The following DPH6 variants were observed in gnomAD, a reference collection of about 807,000 sequenced individuals.
DPH6 encodes the protein diphthamine biosynthesis 6.
In DPH6, 33 loss-of-function variants were observed where a neutral mutation model predicts 38.2. The ratio of observed to expected loss-of-function variants is 0.86; its 90% CI spans 0.65 to 1.15. The LOEUF (loss-of-function observed/expected upper bound fraction) is 1.15, where lower values mean the gene tolerates loss of function less well. Ranked by LOEUF, DPH6 falls within the 50% of genes most tolerant of loss-of-function variation. DPH6 has a pLI of 0.00. For synonymous variants in DPH6, 108 were observed against 103.0 expected (o/e 1.05, Z -0.30); for missense variants, 325 against 320.0 (o/e 1.02, Z -0.12).
chr15:35,454,663 A>G (rs1348380442), intron 4 of DPH6, 84 bp downstream of exon 4: 2 of 1,183,644 alleles, frequency 1.7e-6, no homozygotes, highest in Admixed American at 2.1e-5. Context: ...CCTATTTATA[A>G]TTTGAATATG....
chr15:35,162,426 T>C, the DPH6 span, among the ~76,000 whole-genome samples: 1 of 151,888 alleles, frequency 6.6e-6, no homozygotes, highest in African/African-American at 2.4e-5. Context: ...CTAGCTGCAT[T>C]TGCTGCTTCT....
chr15:35,207,169 C>T, the DPH6 span, among the ~76,000 whole-genome samples: 11 of 151,106 alleles, frequency 7.3e-5, no homozygotes, highest in African/African-American at 2.4e-4. Flanking sequence ...ACCTCAGCCT[C>T]CTAAGTAGAA....
intron 3 of DPH6, among the ~76,000 whole-genome samples, chr15:35,473,472 A>C (rs2054222032): frequency 6.6e-6 from 1 of 152,158 alleles, no homozygotes; most frequent in African/African-American, 2.4e-5. Flanking sequence ...TCTCCTCTTC[A>C]AAAAACTGCC....
At chr15:35,470,900 G>C (rs1172049810) in intron 3 of DPH6, among the ~76,000 whole-genome samples, 1 of 151,848 alleles carries the variant, frequency 6.6e-6, no homozygotes, top group Non-Finnish European at 1.5e-5. Context: ...AAAATTAAAT[G>C]TATCTTAATT....
At chr15:35,185,718 T>G in the DPH6 span, among the ~76,000 whole-genome samples, 1 of 140,196 alleles carries the variant, frequency 7.1e-6, no homozygotes, top group Non-Finnish European at 1.5e-5. Context: ...ATCTGTCCAA[T>G]CCACTCTTTT....
intron 4 of DPH6, among the ~76,000 whole-genome samples, chr15:35,451,810 A>G (rs374354647): frequency 3.3e-5 from 5 of 152,154 alleles, no homozygotes; most frequent in African/African-American, 9.7e-5. Context: ...GGAAATCGAG[A>G]CCATCCTGGC....
At chr15:35,208,574 T>G in the DPH6 span, among the ~76,000 whole-genome samples, 1 of 152,256 alleles carries the variant, frequency 6.6e-6, no homozygotes, top group Non-Finnish European at 1.5e-5. Flanking sequence ...TGACCTCATC[T>G]TCCCTTCTGA....
At chr15:35,496,787 T>C (rs2054565138) in intron 3 of DPH6, among the ~76,000 whole-genome samples, 1 of 151,712 alleles carries the variant, frequency 6.6e-6, no homozygotes, top group South Asian at 2.1e-4. Context: ...TACTTCCTAC[T>C]TCTCCAGCCA....
rs1205313895 is a variant in DPH6, at chr15:35,397,883, A to G, written c.567+12952T>C. Among the ~76,000 whole-genome samples, 33 of 151,174 alleles carry G rather than the reference A, an allele frequency of 2.2e-4. 1 individual carries two copies. The East Asian group carries it at 6.2e-3, about 29-fold the overall frequency. On this transcript the variant is annotated intron_variant, in intron 6 of 8. Transcript: ENST00000256538. ...TTTATATATATACACACACACACAC[A>G]CACACACACACACACACACACACAC...
the DPH6 span, among the ~76,000 whole-genome samples, chr15:35,173,524 G>C: frequency 1.3e-5 from 2 of 149,060 alleles, no homozygotes; most frequent in African/African-American, 5.0e-5. Flanking sequence ...ACTTCAGCTA[G>C]AGTAATCTTT....
chr15:35,391,255 G>C (rs963079284), intron 6 of DPH6, among the ~76,000 whole-genome samples: 1 of 152,138 alleles, frequency 6.6e-6, no homozygotes, highest in Non-Finnish European at 1.5e-5. Flanking sequence ...CGCCCCTACT[G>C]GGGGGTGCCT....
chr15:35,488,245 C>G (rs1275943355), intron 3 of DPH6, among the ~76,000 whole-genome samples: 7 of 152,200 alleles, frequency 4.6e-5, no homozygotes, highest in African/African-American at 1.7e-4. Flanking sequence ...TTGTTCCAAC[C>G]TCTGCCCATT....
chr15:35,510,977 C>T (rs1391564486), intron 3 of DPH6, among the ~76,000 whole-genome samples: 3 of 152,110 alleles, frequency 2.0e-5, no homozygotes, highest in African/African-American at 7.2e-5. Context: ...CCAAATATTC[C>T]TGTTCTAAAT....
intron 3 of DPH6, among the ~76,000 whole-genome samples, chr15:35,296,820 C>T (rs567591445): frequency 9.6e-5 from 6 of 62,298 alleles, no homozygotes; most frequent in Non-Finnish European, 1.6e-4. Flanking sequence ...TTTTTTGAGA[C>T]GGAGTCTCGC....
At chr15:35,196,160 G>T in the DPH6 span, among the ~76,000 whole-genome samples, 1 of 152,084 alleles carries the variant, frequency 6.6e-6, no homozygotes, top group Non-Finnish European at 1.5e-5. Flanking sequence ...GAAATTTAAC[G>T]TAAAATAGTA....
chr15:35,414,161 C>T (rs917064202), intron 5 of DPH6, among the ~76,000 whole-genome samples: 4 of 151,596 alleles, frequency 2.6e-5, no homozygotes, highest in Non-Finnish European at 5.9e-5. Flanking sequence ...TTCATTTCTC[C>T]TTGAATCAAT....
At chr15:35,243,265 G>A (rs955401753) in intron 3 of DPH6, among the ~76,000 whole-genome samples, 2 of 141,456 alleles carry the variant, frequency 1.4e-5, no homozygotes, top group African/African-American at 5.1e-5. Flanking sequence ...AGGTTCCCAC[G>A]CCGCCCCTAA....
intron 3 of DPH6, among the ~76,000 whole-genome samples, chr15:35,517,938 A>C (rs561732105): frequency 2.0e-5 from 3 of 152,108 alleles, no homozygotes; most frequent in African/African-American, 7.2e-5. Context: ...ACAATGTTTT[A>C]CTTTAAAAAA....
At chr15:35,533,233 T>C (rs1008685824) in intron 3 of DPH6, among the ~76,000 whole-genome samples, 1 of 152,166 alleles carries the variant, frequency 6.6e-6, no homozygotes, top group Non-Finnish European at 1.5e-5. Flanking sequence ...TGATTTATAT[T>C]TGGAGATTCA....
Sources: allele counts gnomAD v4.1 joint callset (sites outside exome capture counted in the v4.1 genomes callset), GRCh38; gene constraint gnomAD v4.1.1; transcripts MANE v1.5; gene names NCBI Gene and HGNC (gene_info 2026-07-23, HGNC 2026-07-21).